The following PCCA variants were observed in gnomAD, a reference collection of about 807,000 sequenced individuals.
PCCA encodes the protein propionyl-CoA carboxylase subunit alpha, also known as propionyl-CoA carboxylase alpha chain, mitochondrial.
Under a neutral mutation model 101.3 loss-of-function variants are expected in PCCA, and 74 were observed. The ratio of observed to expected loss-of-function variants is 0.73; its 90% CI spans 0.61 to 0.89. The LOEUF (loss-of-function observed/expected upper bound fraction) is 0.89. Ranked by LOEUF, PCCA falls within the 40% of genes least tolerant of loss-of-function variation. PCCA has a pLI of 0.00. For missense variants in PCCA, 891 were observed against 907.0 expected, an observed-to-expected ratio of 0.98 and a Z score of 0.23; for synonymous variants, 294 against 313.6, an observed-to-expected ratio of 0.94 and a Z score of 0.66.
At chr13:100,306,677 G>A (rs2066479477) in intron 14 of PCCA, among the ~76,000 whole-genome samples, 1 of 150,992 alleles carries the variant, frequency 6.6e-6, no homozygotes, top group South Asian at 2.1e-4. Flanking sequence ...GAAAAGCTGT[G>A]TAAACATGAA....
At chr13:100,129,568 G>GC (rs1382391186) in intron 4 of PCCA, among the ~76,000 whole-genome samples, 7 of 151,906 alleles carry the variant, frequency 4.6e-5, no homozygotes, top group Admixed American at 6.6e-5. Flanking sequence ...TTTTGTGGGT[G>GC]CCCCCCCGCC....
chr13:100,258,473 T>G (rs969680706), intron 9 of PCCA, among the ~76,000 whole-genome samples: 1 of 152,200 alleles, frequency 6.6e-6, no homozygotes, highest in Non-Finnish European at 1.5e-5. Flanking sequence ...GAGATGTGTA[T>G]TTTGTGGACT....
At chr13:100,268,262 G>A (rs2063074548) in intron 10 of PCCA, among the ~76,000 whole-genome samples, 1 of 152,132 alleles carries the variant, frequency 6.6e-6, no homozygotes, top group Admixed American at 6.5e-5. Flanking sequence ...ATATTGGGTG[G>A]AAATGCATAC....
intron 21 of PCCA, among the ~76,000 whole-genome samples, chr13:100,473,509 T>C (rs1254796120): frequency 1.3e-5 from 2 of 152,230 alleles, no homozygotes; most frequent in South Asian, 2.1e-4. Flanking sequence ...AAGAATTTTC[T>C]ATTTCTTAGG....
intron 22 of PCCA, among the ~76,000 whole-genome samples, chr13:100,526,822 G>A (rs750267993): frequency 1.3e-5 from 2 of 152,264 alleles, no homozygotes; most frequent in African/African-American, 2.4e-5. Context: ...ACGCCAGTGG[G>A]CTTAACCCAG....
At chr13:100,469,193 A>C (rs1596039821) in intron 21 of PCCA, among the ~76,000 whole-genome samples, 1 of 129,966 alleles carries the variant, frequency 7.7e-6, no homozygotes, top group East Asian at 2.8e-4. Flanking sequence ...CCTGGGCAAC[A>C]AGAGTGAAAC....
At chr13:100,446,954 C>G (rs1387638686) in intron 20 of PCCA, among the ~76,000 whole-genome samples, 1 of 152,208 alleles carries the variant, frequency 6.6e-6, no homozygotes, top group African/African-American at 2.4e-5. Context: ...ATATATACCA[C>G]AATTTACTTA....
intron 8 of PCCA, among the ~76,000 whole-genome samples, chr13:100,246,229 A>C (rs977094412): frequency 1.6e-4 from 25 of 152,136 alleles, no homozygotes; most frequent in African/African-American, 6.0e-4. Context: ...ACTTTGAGAT[A>C]TATTTTTCAT....
chr13:100,101,328 G>A (rs570760990), intron 1 of PCCA, among the ~76,000 whole-genome samples: 1 of 152,102 alleles, frequency 6.6e-6, no homozygotes, highest in African/African-American at 2.4e-5. Flanking sequence ...AACCATTACA[G>A]CCTCAGCCTG....
At chr13:100,297,160 A>G (rs2065612621) in intron 12 of PCCA, among the ~76,000 whole-genome samples, 1 of 152,186 alleles carries the variant, frequency 6.6e-6, no homozygotes, top group Non-Finnish European at 1.5e-5. Context: ...GTGCCTCTTT[A>G]TCCCATTATT....
intron 7 of PCCA, among the ~76,000 whole-genome samples, chr13:100,234,546 G>T (rs2060670977): frequency 6.6e-6 from 1 of 151,354 alleles, no homozygotes; most frequent in South Asian, 2.1e-4. Flanking sequence ...GCACCTATTT[G>T]TGGAGCAGAC....
intron 22 of PCCA, among the ~76,000 whole-genome samples, chr13:100,524,979 A>AGATGGATG (rs60116605): frequency 0.14 from 19,644 of 137,394 alleles, 1,500 homozygotes; most frequent in East Asian, 0.28. Context: ...TCTGTCTCTA[A>AGATGGATG]GATGGATAGA....
chr13:100,392,180 G>T (rs905816920), intron 19 of PCCA, among the ~76,000 whole-genome samples: 17 of 152,082 alleles, frequency 1.1e-4, no homozygotes, highest in African/African-American at 3.9e-4. Context: ...ATATTCATTG[G>T]GGGCAGGGTA....
intron 18 of PCCA, among the ~76,000 whole-genome samples, chr13:100,348,025 T>G (rs1205010346): frequency 3.3e-5 from 5 of 152,246 alleles, no homozygotes; most frequent in Non-Finnish European, 1.5e-5. Context: ...ACCTACATCA[T>G]GAAAGCTGAT....
rs10668689 is a variant in PCCA at position 100,422,070 on chromosome 13, T to TTTCTTTCTTTCTTTCTTTCTTTC, written c.1747-3561_1747-3560insCTTTCTTTCTTTCTTTCTTTCTT. ...TCTTTTCCTTTTCTCTTCTCTTTTCTTTTCTTTCTTTCTTTCTTTCTTTCT... is the reference window on the plus strand; with the variant it reads ...TCTTTTCCTTTTCTCTTCTCTTTTCTTTCTTTCTTTCTTTCTTTCTTTCTTTCTTTCTTTCTTTCTTTCTTTCT... On this transcript the variant is annotated intron_variant, in intron 19 of 23. Coordinates refer to ENST00000376285, the MANE Select transcript of PCCA (RefSeq NM_000282.4). Among the ~76,000 whole-genome samples the TTTCTTTCTTTCTTTCTTTCTTTC allele has an allele frequency of 3.1e-3, 339 of 110,700 alleles. 17 individuals are homozygous for TTTCTTTCTTTCTTTCTTTCTTTC. The highest frequency in any genetic ancestry group is 9.5e-3 in the Middle Eastern group (2 of 210). 72.6% of individuals were successfully genotyped at this position (110,700 alleles called of 152,430 possible).
intron 1 of PCCA, among the ~76,000 whole-genome samples, chr13:100,091,897 CTT>C (rs1373184514): frequency 6.6e-6 from 1 of 152,026 alleles, no homozygotes; most frequent in African/African-American, 2.4e-5. Context: ...TTATTGAACT[CTT>C]ATATGCCTTG....
At chr13:100,287,446 C>T (rs1415390514) in intron 12 of PCCA, among the ~76,000 whole-genome samples, 1 of 151,766 alleles carries the variant, frequency 6.6e-6, no homozygotes, top group Non-Finnish European at 1.5e-5. Flanking sequence ...CTTTTTTTCC[C>T]TTCCAGTGAC....
chr13:100,237,939 CTTTT>C (rs1229413728), intron 8 of PCCA, among the ~76,000 whole-genome samples: 3 of 127,490 alleles, frequency 2.4e-5, no homozygotes, highest in Non-Finnish European at 1.6e-5. Context: ...TTCTTTCTTT[CTTTT>C]TTTTTTTTTT....
At chr13:100,328,770 T>G (rs1242170502) in intron 16 of PCCA, among the ~76,000 whole-genome samples, 1 of 143,948 alleles carries the variant, frequency 6.9e-6, no homozygotes, top group East Asian at 2.3e-4. Flanking sequence ...CTTGGCTCAC[T>G]GCAACCTCCA....
Sources: allele counts gnomAD v4.1 joint callset (sites outside exome capture counted in the v4.1 genomes callset), GRCh38; gene constraint gnomAD v4.1.1; transcripts MANE v1.5; gene names NCBI Gene and HGNC (gene_info 2026-07-23, HGNC 2026-07-21).